PM20D1: variants seen among roughly 807,000 people sequenced by gnomAD.
PM20D1 encodes N-fatty-acyl-amino acid synthase/hydrolase PM20D1.
PM20D1 carries 53 observed loss-of-function variants against 53.8 expected under a neutral mutation model. The observed-to-expected ratio is 0.98, with a 90% CI of 0.79 to 1.24. PM20D1 has a LOEUF of 1.24. Ranked by LOEUF, PM20D1 falls within the 50% of genes most tolerant of loss-of-function variation. The probability of loss-of-function intolerance (pLI) is 0.00; values close to 1 mark genes in which losing one functional copy is unlikely to be tolerated. For synonymous variants in PM20D1, 239 were observed against 241.3 expected (o/e 0.99, Z 0.09); for missense variants, 564 against 616.8 (o/e 0.91, Z 0.91).
chr1:205,832,815 A>G (rs1319690079), intron 10 of PM20D1, 49 bp from the exon 11 acceptor site: 2 of 1,496,934 alleles, frequency 1.3e-6, no homozygotes, highest in East Asian at 2.4e-5. Context: ...ATTTCTATAC[A>G]TGTACAATAT....
Position 205,842,627 on chromosome 1 carries a change from C to T in PM20D1, c.903+49G>A, listed in dbSNP as rs113633721. Reference sequence around the variant, plus strand: ...TTACTCTAAAGGTTACTTTTCTGTCCGTCTTTTGTTCCTAGCTGATTAGGA... The same window carrying T: ...TTACTCTAAAGGTTACTTTTCTGTCTGTCTTTTGTTCCTAGCTGATTAGGA... On this transcript the variant is annotated intron_variant, in intron 7 of 12. Coordinates refer to ENST00000367136, the MANE Select transcript of PM20D1 (RefSeq NM_152491.5). The T allele has an allele frequency of 3.1e-4, 483 of 1,578,624 alleles. No individual in the cohort carries two copies. In the African/African-American group the frequency reaches 5.8e-3, roughly 19 times the overall value.
rs1279333085 is a variant in PM20D1, at chr1:205,847,951, C to G, written c.190G>C (p.Val64Leu). 6 of 1,598,116 alleles carry G rather than the reference C, an allele frequency of 3.8e-6. No homozygotes were observed. Among genetic ancestry groups the G allele is most frequent in the Non-Finnish European group, 5.1e-6 (6 of 1,172,338 alleles). ...TTGGACTTCTCAGAGCTAAAAGTCACTGTTGGAATCTGGATGGCACCTGTC... is the reference window on the plus strand; with the variant it reads ...TTGGACTTCTCAGAGCTAAAAGTCAGTGTTGGAATCTGGATGGCACCTGTC... ...ALKGAIQIPT[V>L]TFSSEKSNTT... Residue 64 changes from valine to leucine, a missense_variant, in exon 2 of 13, where the codon GTG becomes CTG. Val to Leu is a conservative substitution (Grantham distance 32). Coordinates refer to ENST00000367136, the MANE Select transcript of PM20D1 (RefSeq NM_152491.5).
At chr1:205,843,971 A>G in intron 5 of PM20D1, 116 bp downstream of exon 5, 1 of 1,482,446 alleles carries the variant, frequency 6.7e-7, no homozygotes, top group South Asian at 1.3e-5. Flanking sequence ...TGGGGCGATT[A>G]ATGCGAGAGG....
intron 2 of PM20D1, among the ~76,000 whole-genome samples, chr1:205,847,006 C>CTTTTTTTTTT (rs778538865): frequency 4.5e-5 from 2 of 44,674 alleles, no homozygotes; most frequent in African/African-American, 1.8e-4. Flanking sequence ...TCCTTCCTTT[C>CTTTTTTTTTT]TTTTTTTTTT....
intron 1 of PM20D1, 97 bp from the exon 2 acceptor site, chr1:205,848,068 T>A: frequency 1.7e-6 from 2 of 1,167,798 alleles, no homozygotes; most frequent in South Asian, 2.6e-5. Flanking sequence ...GCCTTCATTA[T>A]CATATTGCAG....
At chr1:205,830,223 G>A (rs1203641726) in intron 12 of PM20D1, 57 bp downstream of exon 12, 2 of 1,316,872 alleles carry the variant, frequency 1.5e-6, no homozygotes, top group Non-Finnish European at 2.2e-6. Context: ...GGTAGGAAAA[G>A]GACACATCAA....
Position 205,849,912 on chromosome 1 carries a change from G to C in PM20D1, c.161C>G (p.Ala54Gly). The change falls in exon 1 of 13, where the codon GCG (alanine) becomes GGG (glycine). Residue 54 changes from alanine (A) to glycine (G), a missense_variant. Coordinates refer to ENST00000367136, the MANE Select transcript of PM20D1 (RefSeq NM_152491.5). ...AGGGGACCCGGGTTCACCTTTCAGCGCCTCTTTCATCGCGACGCGTTCCTC... is the reference window on the plus strand; with the variant it reads ...AGGGGACCCGGGTTCACCTTTCAGCCCCTCTTTCATCGCGACGCGTTCCTC... ...SKEERVAMKE[A>G]LKGAIQIPTV... 1 of 1,612,082 alleles carries C rather than the reference G, an allele frequency of 6.2e-7. No individual in the cohort carries two copies. Among genetic ancestry groups the C allele is most frequent in the Admixed American group, 1.7e-5 (1 of 59,958 alleles).
chr1:205,833,851 T>C (rs890993935), intron 10 of PM20D1, among the ~76,000 whole-genome samples: 1 of 150,456 alleles, frequency 6.6e-6, no homozygotes, highest in Admixed American at 6.6e-5. Context: ...TAAGAGTACC[T>C]CTTTTTTTTT....
chr1:205,846,437 G>C (rs1466113391), intron 2 of PM20D1, among the ~76,000 whole-genome samples: 1 of 152,142 alleles, frequency 6.6e-6, no homozygotes, highest in Non-Finnish European at 1.5e-5. Context: ...CTCAGGCTTG[G>C]TCAGACCTAT....
intron 10 of PM20D1, among the ~76,000 whole-genome samples, chr1:205,836,593 C>T (rs1558091401): frequency 6.6e-6 from 1 of 152,134 alleles, no homozygotes; most frequent in Non-Finnish European, 1.5e-5. Context: ...CTGTAACTTC[C>T]AACTTCTGGG....
rs753442777 is a variant in PM20D1, at chr1:205,832,638, G to A, written c.1245C>T (p.Thr415=). ...KALGYQLLRQ[T]VQSVFPEVNI... ...TGACTTCCGGGAAGACGGACTGTAC[G>A]GTCTGGCGGAGCAGCTGGTAGCCCA... is the stretch of plus-strand genomic sequence containing the variant. Residue 415 remains threonine, a synonymous_variant, in exon 11 of 13, where the codon ACC becomes ACT. Coordinates refer to ENST00000367136, the MANE Select transcript of PM20D1 (RefSeq NM_152491.5). 9.9e-6 allele frequency: 16 copies of A among 1,614,024 alleles called. No homozygotes were observed. Among genetic ancestry groups the A allele is most frequent in the South Asian group, 4.4e-5 (4 of 91,072 alleles).
chr1:205,833,130 C>T (rs1656599939), intron 10 of PM20D1, among the ~76,000 whole-genome samples: 1 of 152,244 alleles, frequency 6.6e-6, no homozygotes. Flanking sequence ...AGAGCAATGC[C>T]TGGGCTCTCT....
rs1390509674 is a variant in PM20D1, at chr1:205,850,002, C to T, written c.71G>A (p.Arg24Lys). ...CTCCCCGCTCCTCGGGCCCATCGAT[C>T]TGGAGACGGTAGGGAAAACTAGGAG... ...MLLLVFPTVS[R>K]SMGPRSGEHQ... The change falls in exon 1 of 13, where the codon AGA becomes AAA. Residue 24 changes from arginine to lysine, a missense_variant. Physicochemically the swap from Arg to Lys is conservative, Grantham distance 26. Coordinates refer to ENST00000367136, the MANE Select transcript of PM20D1 (RefSeq NM_152491.5). The T allele has an allele frequency of 2.5e-6, 4 of 1,614,072 alleles. No homozygotes were observed. Among genetic ancestry groups the T allele is most frequent in the Non-Finnish European group, 3.4e-6 (4 of 1,180,024 alleles).
Position 205,840,110 on chromosome 1 carries a change from C to CGGATA in PM20D1, c.1116+141_1116+142insTATCC, listed in dbSNP as rs1656772923. 6.9e-6 allele frequency: 4 copies of CGGATA among 578,712 alleles called. No homozygotes were observed. The South Asian group carries it at 1.5e-4, about 22-fold the overall frequency. The allele number at this position is 578,712 out of a possible 1,614,324, so 35.8% of individuals were successfully genotyped here. On this transcript the variant is annotated intron_variant, in intron 10 of 12. Coordinates refer to ENST00000367136, the MANE Select transcript of PM20D1 (RefSeq NM_152491.5). ...GGATCTCCAATCCTAATGAAGTATC[C>CGGATA]GGTGCATAGGTTGTCTTTGAAAAAT... is the stretch of plus-strand genomic sequence containing the variant.
chr1:205,831,351 C>A (rs1051522011), intron 11 of PM20D1, among the ~76,000 whole-genome samples: 5 of 152,052 alleles, frequency 3.3e-5, no homozygotes, highest in Non-Finnish European at 7.4e-5. Context: ...AGCCTGGCCC[C>A]ATTGGTGGAT....
At position 205,845,523 on chromosome 1, in the gene PM20D1, C is replaced by T. The variant is rs1656933672; in HGVS notation, c.291G>A (p.Gln97=). The part of the protein sequence containing the change: ...FPTVVSTSFI[Q]HEVVEEYSHL... The stretch of plus-strand genomic sequence containing the variant: ...GGCTATACTCTTCCACGACTTCATG[C>T]TGGATAAAGCTGGTGCTGACCACTG... The change falls in exon 3 of 13, where the codon CAG becomes CAA. Residue 97 remains glutamine (Q), a synonymous_variant. Coordinates refer to ENST00000367136, the MANE Select transcript of PM20D1 (RefSeq NM_152491.5). 6.2e-7 allele frequency: 1 copy of T among 1,614,192 alleles called. No individual in the cohort carries two copies. The highest frequency in any genetic ancestry group is 2.2e-5 in the East Asian group (1 of 44,882).
chr1:205,828,461 A>T lies in PM20D1; in HGVS notation c.*159T>A, dbSNP rs1464434576. ...GCCAGATTTCTGCTGACTTTACCTTACCCCGGCCTTGTTCTTGGGAGAGTT... is the reference window on the plus strand; with the variant it reads ...GCCAGATTTCTGCTGACTTTACCTTTCCCCGGCCTTGTTCTTGGGAGAGTT... On this transcript the variant is annotated 3_prime_UTR_variant, in exon 13 of 13. Coordinates refer to ENST00000367136, the MANE Select transcript of PM20D1 (RefSeq NM_152491.5). 2 of 1,065,402 alleles carry T rather than the reference A, an allele frequency of 1.9e-6. No individual in the cohort carries two copies. Among genetic ancestry groups the T allele is most frequent in the African/African-American group, 3.2e-5 (2 of 62,284 alleles). The allele number at this position is 1,065,402 out of a possible 1,614,324, so 66.0% of individuals were successfully genotyped here.
At chr1:205,829,977 C>T (rs969255046) in intron 12 of PM20D1, 6 of 281,196 alleles carry the variant, frequency 2.1e-5, no homozygotes, top group Non-Finnish European at 4.0e-5. Flanking sequence ...TAAGCCCTCT[C>T]CCAAAGAGAG....
rs749484068 is a variant in PM20D1, at chr1:205,849,983, G to T, written c.90C>A (p.Ser30Arg). ...TTCGCGACGCCCTTTGATGCTCCCC[G>T]CTCCTCGGGCCCATCGATCTGGAGA... ...PTVSRSMGPR[S>R]GEHQRASRIP... The change falls in exon 1 of 13, where the codon AGC becomes AGA. Residue 30 changes from serine to arginine, a missense_variant. Physicochemically the swap from Ser to Arg is moderately radical, Grantham distance 110. Transcript: ENST00000367136. 1.2e-6 allele frequency: 2 copies of T among 1,614,114 alleles called. No individual in the cohort carries two copies.
Sources: allele counts gnomAD v4.1 joint callset (sites outside exome capture counted in the v4.1 genomes callset), GRCh38; gene constraint gnomAD v4.1.1; transcripts MANE v1.5; gene names NCBI Gene and HGNC (gene_info 2026-07-23, HGNC 2026-07-21).